Variants in CEP72 observed in about 807,000 individuals in gnomAD.
CEP72 encodes the protein centrosomal protein 72.
Under a neutral mutation model 65.7 loss-of-function variants are expected in CEP72, and 78 were observed. The observed-to-expected ratio is 1.19, with a 90% CI of 0.99 to 1.43. The LOEUF (loss-of-function observed/expected upper bound fraction) is 1.43, where lower values mean the gene tolerates loss of function less well. Ranked by LOEUF, CEP72 falls within the 40% of genes most tolerant of loss-of-function variation. The pLI is 0.00. For synonymous variants in CEP72, 358 were observed against 351.7 expected, an observed-to-expected ratio of 1.02 and a Z score of -0.20; for missense variants, 914 against 832.9, an observed-to-expected ratio of 1.10 and a Z score of -1.20.
intron 9 of CEP72, among the ~76,000 whole-genome samples, chr5:643,982 C>T (rs887835754): frequency 6.6e-6 from 1 of 152,194 alleles, no homozygotes; most frequent in Non-Finnish European, 1.5e-5. Flanking sequence ...CCACCAGCTG[C>T]CCTGCCCAGC....
At chr5:638,250 G>A (rs1468413953) in intron 7 of CEP72, among the ~76,000 whole-genome samples, 1 of 152,206 alleles carries the variant, frequency 6.6e-6, no homozygotes, top group African/African-American at 2.4e-5. Context: ...GGCCGGCTGA[G>A]CCATTGATGA....
Position 637,695 on chromosome 5 carries a change from C to T in CEP72, c.1083C>T (p.Ser361=), listed in dbSNP as rs551556889. 1.1e-4 allele frequency: 182 copies of T among 1,613,788 alleles called. No individual in the cohort carries two copies. The South Asian group carries it at 1.7e-3, about 15-fold the overall frequency. Residue 361 remains serine (S), a synonymous_variant, in exon 7 of 12, where the codon TCC becomes TCT. Coordinates refer to ENST00000264935, the MANE Select transcript of CEP72 (RefSeq NM_018140.4). ...GCCCGGAGAGAACTCATGGGTCCTC[C>T]GTGCCCAAGGAGAGCCTGAGCAGAC... ...LGCPERTHGS[S]VPKESLSRQD... is the part of the protein sequence containing the mutation.
At chr5:641,728 T>C in intron 9 of CEP72, 1 of 983,804 alleles carries the variant, frequency 1.0e-6, no homozygotes, top group Non-Finnish European at 1.2e-6. Context: ...TAAACACACA[T>C]GGCCCCCCAT....
chr5:627,811 A>G (rs1022955087), intron 4 of CEP72, among the ~76,000 whole-genome samples: 1 of 152,192 alleles, frequency 6.6e-6, no homozygotes, highest in Non-Finnish European at 1.5e-5. Context: ...TTGGCTTCAC[A>G]TTTACTTATA....
At chr5:622,104 G>C (rs1158838319) in intron 3 of CEP72, among the ~76,000 whole-genome samples, 1 of 152,232 alleles carries the variant, frequency 6.6e-6, no homozygotes, top group Non-Finnish European at 1.5e-5. Flanking sequence ...GCACTGCTTT[G>C]CTACTTGGAG....
chr5:632,960 C>T lies in CEP72; in HGVS notation c.513-809C>T, dbSNP rs1296174577. ...GTTCTGGTGGGGTTCTGTCCAGTGC[C>T]GGGATTTAGACCAGTCCTGGTGGGG... On this transcript the variant is annotated intron_variant, in intron 4 of 11. Transcript: ENST00000264935. Among the ~76,000 whole-genome samples the T allele has an allele frequency of 3.1e-5, 3 of 97,370 alleles. 1 individual carries two copies. Among genetic ancestry groups the T allele is most frequent in the African/African-American group, 5.4e-5 (1 of 18,630 alleles). 63.9% of individuals were successfully genotyped at this position (97,370 alleles called of 152,430 possible). A position where few individuals can be genotyped will look rare whatever the true frequency, so the allele number is the denominator to read the frequency against.
downstream of CEP72, among the ~76,000 whole-genome samples, chr5:667,931 G>C (rs1235401911): frequency 4.7e-5 from 3 of 64,308 alleles, 1 homozygote; most frequent in Non-Finnish European, 8.0e-5. Context: ...CAAGCACACA[G>C]AGAGGGGGCC....
At chr5:637,266 G>A (rs1044732935) in intron 6 of CEP72, among the ~76,000 whole-genome samples, 1 of 152,240 alleles carries the variant, frequency 6.6e-6, no homozygotes, top group African/African-American at 2.4e-5. Context: ...CTCCCCCAGA[G>A]TTTGCGTGTT....
In CEP72 at chr5:618,023, C is replaced by T. The variant is rs1046477465; in HGVS notation, c.83-967C>T. ...GCTTATGGGGTGCGTGGAGCTTGCA[C>T]AGCCCGACCACAGTTGTAACAGGAG... On this transcript the variant is annotated intron_variant, in intron 1 of 11. Coordinates refer to ENST00000264935, the MANE Select transcript of CEP72 (RefSeq NM_018140.4). Among the ~76,000 whole-genome samples, 3 of 152,152 alleles carry T rather than the reference C, an allele frequency of 2.0e-5. No individual in the cohort carries two copies. The East Asian group carries it at 5.8e-4, about 29-fold the overall frequency.
intron 1 of CEP72, among the ~76,000 whole-genome samples, chr5:618,374 A>G (rs1294928691): frequency 6.6e-6 from 1 of 152,046 alleles, no homozygotes; most frequent in Non-Finnish European, 1.5e-5. Flanking sequence ...AAATACAGAA[A>G]TGTGTAAGAG....
rs1322384705 is a variant in CEP72 at position 644,239 on chromosome 5, T to C, written c.1540-60T>C. ...GGGATTCTCAGGTTTCAGTTTTACT[T>C]TCTATACGCATTTTACTGAATTTGA... On this transcript the variant is annotated intron_variant, in intron 9 of 11. Coordinates refer to ENST00000264935, the MANE Select transcript of CEP72 (RefSeq NM_018140.4). The C allele has an allele frequency of 2.5e-6, 4 of 1,580,486 alleles. No homozygotes were observed. In the African/African-American group the frequency reaches 4.1e-5, roughly 16 times the overall value.
chr5:649,161 CTG>C (rs1408881634), intron 11 of CEP72, among the ~76,000 whole-genome samples: 2 of 125,188 alleles, frequency 1.6e-5, no homozygotes, highest in Admixed American at 8.4e-5. Flanking sequence ...TGAGGCGTGA[CTG>C]TGAGGTGTGG....
chr5:612,580 C>T (rs1419588572), intron 1 of CEP72, 137 bp downstream of exon 1: 8 of 1,228,150 alleles, frequency 6.5e-6, no homozygotes, highest in Non-Finnish European at 8.1e-6. Context: ...CGGTCGCGGG[C>T]GAGCGGGGCG....
rs370674336 is a variant in CEP72, at chr5:644,295, G to T, written c.1540-4G>T. 10 of 1,612,550 alleles carry T rather than the reference G, an allele frequency of 6.2e-6. No individual in the cohort carries two copies. Among genetic ancestry groups the T allele is most frequent in the Middle Eastern group, 3.3e-4 (2 of 6,074 alleles). The stretch of plus-strand genomic sequence containing the variant: ...GCACTTAAGTGTATTTTCTGTGTCC[G>T]CAGGATGATTTGAGACAACATTTAG... On this transcript the variant is annotated splice_polypyrimidine_tract_variant and splice_region_variant and intron_variant, in intron 9 of 11. Transcript: ENST00000264935.
intron 1 of CEP72, among the ~76,000 whole-genome samples, chr5:616,040 A>T (rs184130777): frequency 1.2e-3 from 185 of 152,266 alleles, no homozygotes; most frequent in Non-Finnish European, 2.2e-3. Context: ...GATTTTTTTT[A>T]AATACCTAGC....
At chr5:639,249 T>A (rs1010681414) in intron 8 of CEP72, 25 bp downstream of exon 8, 2 of 1,541,010 alleles carry the variant, frequency 1.3e-6, no homozygotes, top group African/African-American at 2.8e-5. Flanking sequence ...CCACTGCTCT[T>A]GCCCTGTAGG....
At chr5:646,571 T>C (rs1038892173) in intron 10 of CEP72, among the ~76,000 whole-genome samples, 2 of 152,160 alleles carry the variant, frequency 1.3e-5, no homozygotes, top group African/African-American at 4.8e-5. Context: ...CTGGTTGACC[T>C]TGACCCTGAC....
At chr5:657,719 G>T (rs1561071647), downstream of CEP72, among the ~76,000 whole-genome samples, 1 of 152,178 alleles carries the variant, frequency 6.6e-6, no homozygotes, top group Non-Finnish European at 1.5e-5. Flanking sequence ...TGGGACTGAG[G>T]TGAGTCATTT....
downstream of CEP72, among the ~76,000 whole-genome samples, chr5:669,101 C>T (rs777402428): frequency 1.8e-4 from 27 of 152,362 alleles, no homozygotes; most frequent in Non-Finnish European, 2.5e-4. Flanking sequence ...CAGACCCTCA[C>T]GCCTCATGGG....
Sources: allele counts gnomAD v4.1 joint callset (sites outside exome capture counted in the v4.1 genomes callset), GRCh38; gene constraint gnomAD v4.1.1; transcripts MANE v1.5; gene names NCBI Gene and HGNC (gene_info 2026-07-23, HGNC 2026-07-21).